Variants in SLC10A7 observed in about 807,000 individuals in gnomAD.
SLC10A7 encodes the protein solute carrier family 10 member 7, also known as sodium/bile acid cotransporter 7.
SLC10A7 carries 29 observed loss-of-function variants against 43.2 expected under a neutral mutation model. The ratio of observed to expected loss-of-function variants is 0.67; its 90% CI spans 0.50 to 0.92. SLC10A7 has a LOEUF of 0.92. Among genes scored for constraint, SLC10A7 ranks in the 40% least tolerant of loss-of-function variants. The pLI is 0.00. For synonymous variants in SLC10A7, 152 were observed against 144.8 expected (o/e 1.05, Z -0.35); for missense variants, 295 against 403.2 (o/e 0.73, Z 2.30).
At chr4:146,265,475 T>C (rs1728496226) in intron 10 of SLC10A7, among the ~76,000 whole-genome samples, 1 of 152,232 alleles carries the variant, frequency 6.6e-6, no homozygotes, top group Non-Finnish European at 1.5e-5. Context: ...AAGGTGGCTT[T>C]CCTATTGATT....
At chr4:146,462,326 T>A (rs927272146) in intron 4 of SLC10A7, among the ~76,000 whole-genome samples, 3 of 152,126 alleles carry the variant, frequency 2.0e-5, no homozygotes, top group Non-Finnish European at 4.4e-5. Flanking sequence ...AGAATGTGGT[T>A]TAAATTTTCT....
chr4:146,353,476 C>T (rs1338724737), intron 5 of SLC10A7, among the ~76,000 whole-genome samples: 1,457 of 133,988 alleles, frequency 0.011, 12 homozygotes, highest in Middle Eastern at 0.018. Context: ...GAACTGGTAC[C>T]ATTCCTTCTG....
intron 5 of SLC10A7, among the ~76,000 whole-genome samples, chr4:146,339,963 G>C (rs1734143696): frequency 6.6e-6 from 1 of 151,122 alleles, no homozygotes; most frequent in Non-Finnish European, 1.5e-5. Flanking sequence ...TTGTCCTAAT[G>C]CTCTCCCTCC....
intron 4 of SLC10A7, among the ~76,000 whole-genome samples, chr4:146,469,809 T>C (rs1330114665): frequency 6.6e-6 from 1 of 152,026 alleles, no homozygotes; most frequent in East Asian, 1.9e-4. Context: ...TTAAATTTTT[T>C]TGTAGAGATG....
intron 6 of SLC10A7, among the ~76,000 whole-genome samples, chr4:146,310,577 ATG>A (rs1166959942): frequency 4.6e-5 from 7 of 152,052 alleles, no homozygotes; most frequent in African/African-American, 1.7e-4. Context: ...ATGATTACTG[ATG>A]TTGAGCTTTT....
chr4:146,325,561 C>G (rs1228501752), intron 6 of SLC10A7, among the ~76,000 whole-genome samples: 1 of 152,146 alleles, frequency 6.6e-6, no homozygotes, highest in Non-Finnish European at 1.5e-5. Context: ...TCATCAGTAT[C>G]AGCCTTGGAA....
intron 5 of SLC10A7, among the ~76,000 whole-genome samples, chr4:146,412,091 A>C (rs1212465354): frequency 1.3e-5 from 2 of 152,146 alleles, no homozygotes; most frequent in Non-Finnish European, 2.9e-5. Context: ...CACCTGCTTC[A>C]GTCAGCTGTG....
intron 4 of SLC10A7, among the ~76,000 whole-genome samples, chr4:146,471,523 T>C (rs1430822612): frequency 6.6e-6 from 1 of 152,186 alleles, no homozygotes; most frequent in Non-Finnish European, 1.5e-5. Flanking sequence ...GTCACTCCTA[T>C]TTGGTGAGGC....
intron 5 of SLC10A7, among the ~76,000 whole-genome samples, chr4:146,402,812 G>A (rs369880112): frequency 4.6e-5 from 7 of 152,130 alleles, no homozygotes; most frequent in Non-Finnish European, 7.4e-5. Flanking sequence ...TGTTGTTTAT[G>A]CTGTTGTTGT....
chr4:146,278,535 A>G (rs1352853521), intron 10 of SLC10A7, among the ~76,000 whole-genome samples: 6 of 152,210 alleles, frequency 3.9e-5, no homozygotes, highest in African/African-American at 7.2e-5. Flanking sequence ...CTCCTAAGAC[A>G]GTTTGGAGGG....
At chr4:146,450,474 A>C (rs1156991462) in intron 4 of SLC10A7, among the ~76,000 whole-genome samples, 1 of 152,154 alleles carries the variant, frequency 6.6e-6, no homozygotes, top group Non-Finnish European at 1.5e-5. Context: ...AATTGCATTA[A>C]ACATATAGAA....
intron 4 of SLC10A7, among the ~76,000 whole-genome samples, chr4:146,480,295 T>C (rs1318427362): frequency 6.6e-6 from 1 of 152,122 alleles, no homozygotes; most frequent in Admixed American, 6.5e-5. Flanking sequence ...TTTATTATAT[T>C]CTACTATTTG....
intron 3 of SLC10A7, among the ~76,000 whole-genome samples, chr4:146,507,120 A>G (rs982527873): frequency 2.6e-5 from 4 of 152,226 alleles, no homozygotes; most frequent in Non-Finnish European, 5.9e-5. Context: ...ATGCTGTACA[A>G]TAGATCTTCA....
chr4:146,256,723 C>A, intron 11 of SLC10A7: 1 of 1,047,092 alleles, frequency 9.6e-7, no homozygotes, highest in Non-Finnish European at 1.4e-6. Flanking sequence ...ATTTCCCCTC[C>A]CACACCTGGC....
intron 4 of SLC10A7, among the ~76,000 whole-genome samples, chr4:146,451,890 G>C (rs1210262055): frequency 6.6e-6 from 1 of 152,044 alleles, no homozygotes; most frequent in African/African-American, 2.4e-5. Context: ...GCCGAGAGCA[G>C]CAAAAGCTAT....
At chr4:146,500,246 A>G (rs1736272776) in intron 4 of SLC10A7, among the ~76,000 whole-genome samples, 1 of 152,186 alleles carries the variant, frequency 6.6e-6, no homozygotes. Flanking sequence ...ATGCATGTCT[A>G]CGCATCTCAG....
At chr4:146,420,272 AC>A in intron 5 of SLC10A7, among the ~76,000 whole-genome samples, 1 of 152,310 alleles carries the variant, frequency 6.6e-6, no homozygotes, top group East Asian at 1.9e-4. Context: ...TGGTTTTCTC[AC>A]CTACATTTCC....
chr4:146,428,595 T>C (rs956809158), intron 5 of SLC10A7, among the ~76,000 whole-genome samples: 1 of 151,856 alleles, frequency 6.6e-6, no homozygotes, highest in African/African-American at 2.4e-5. Flanking sequence ...CTCTCAGACA[T>C]GGATTTGATC....
intron 10 of SLC10A7, among the ~76,000 whole-genome samples, chr4:146,276,884 T>C (rs1180530472): frequency 1.3e-5 from 2 of 151,670 alleles, no homozygotes; most frequent in Non-Finnish European, 2.9e-5. Flanking sequence ...AGCCCAGGAG[T>C]TGGAGGCTGC....
Sources: gnomAD v4.1 joint callset for allele counts (sites outside exome capture counted in the v4.1 genomes callset) on GRCh38, gnomAD v4.1.1 for gene constraint, MANE v1.5 for transcripts, NCBI Gene and HGNC (gene_info 2026-07-23, HGNC 2026-07-21) for gene names.